The following RALYL variants were observed in gnomAD, a reference collection of about 807,000 sequenced individuals.
RALYL encodes the protein RALY RNA binding protein like.
RALYL carries 29 observed loss-of-function variants against 35.1 expected under a neutral mutation model. The ratio of observed to expected loss-of-function variants is 0.83; its 90% CI spans 0.61 to 1.13. RALYL has a LOEUF of 1.13. Ranked by LOEUF, RALYL falls within the 50% of genes most tolerant of loss-of-function variation. The pLI, the probability that RALYL is intolerant of heterozygous loss-of-function variation, is 0.00. For missense variants in RALYL, 359 were observed against 360.4 expected, an observed-to-expected ratio of 1.00 and a Z score of 0.03; for synonymous variants, 120 against 127.6, an observed-to-expected ratio of 0.94 and a Z score of 0.40.
intron 2 of RALYL, among the ~76,000 whole-genome samples, chr8:84,617,408 T>C (rs1326886159): frequency 6.7e-6 from 1 of 148,726 alleles, no homozygotes; most frequent in Admixed American, 6.7e-5. Flanking sequence ...GTTGTTGGTG[T>C]ATAAGAATGC....
At chr8:84,600,455 C>A (rs1489196948) in intron 2 of RALYL, among the ~76,000 whole-genome samples, 1 of 152,106 alleles carries the variant, frequency 6.6e-6, no homozygotes, top group African/African-American at 2.4e-5. Flanking sequence ...CTGTTATTTG[C>A]CTGCTGAGCA....
chr8:84,252,494 A>ATGATCTGCCTCAGCGCCTAG (rs1830384851), intron 1 of RALYL, among the ~76,000 whole-genome samples: 2 of 152,174 alleles, frequency 1.3e-5, no homozygotes, highest in South Asian at 4.1e-4. Flanking sequence ...GGTAAAGTCT[A>ATGATCTGCCTCAGCGCCTAG]TAGCATGATG....
intron 1 of RALYL, among the ~76,000 whole-genome samples, chr8:84,356,677 A>T (rs1424313279): frequency 6.7e-6 from 1 of 150,328 alleles, no homozygotes; most frequent in Non-Finnish European, 1.5e-5. Context: ...AGATCATCAC[A>T]ATTAGCTTAG....
chr8:84,435,316 G>A (rs1181125278), intron 1 of RALYL, among the ~76,000 whole-genome samples: 1 of 152,044 alleles, frequency 6.6e-6, no homozygotes, highest in Non-Finnish European at 1.5e-5. Context: ...ATCATTTACT[G>A]TATAGACATA....
In RALYL at chr8:84,878,257, G is replaced by A. The variant is rs376722908; in HGVS notation, c.685+4860G>A. ...AAACTTGAGAGCACTTAAAAGCAGA[G>A]AGGGAGAAAGTTTCCGTAATTACTG... On this transcript the variant is annotated intron_variant, in intron 7 of 8. Transcript: ENST00000521268. Among the ~76,000 whole-genome samples the A allele has an allele frequency of 9.0e-4, 137 of 152,292 alleles. 3 individuals are homozygous for A. Among genetic ancestry groups the A allele is most frequent in the African/African-American group, 3.1e-3 (129 of 41,566 alleles).
intron 1 of RALYL, among the ~76,000 whole-genome samples, chr8:84,309,617 TC>T (rs746267764): frequency 3.2e-4 from 48 of 152,110 alleles, no homozygotes; most frequent in Non-Finnish European, 6.2e-4. Flanking sequence ...AAAACTATCT[TC>T]TATTAGTAAA....
intron 2 of RALYL, among the ~76,000 whole-genome samples, chr8:84,704,481 AC>A (rs1195450234): frequency 3.9e-5 from 3 of 77,326 alleles, no homozygotes; most frequent in African/African-American, 2.2e-4. Flanking sequence ...ACACACACAC[AC>A]AACAACTCAT....
At chr8:84,277,877 G>A (rs529542673) in intron 1 of RALYL, among the ~76,000 whole-genome samples, 4 of 152,302 alleles carry the variant, frequency 2.6e-5, no homozygotes, top group South Asian at 2.1e-4. Context: ...ATACAGCCTC[G>A]CTCCTGGCTG....
intron 1 of RALYL, among the ~76,000 whole-genome samples, chr8:84,192,191 T>C (rs762611912): frequency 5.3e-5 from 8 of 152,216 alleles, no homozygotes; most frequent in Non-Finnish European, 1.0e-4. Context: ...TGGTTAGATT[T>C]AACTTCCAGT....
chr8:84,231,472 T>A (rs1825329974), intron 1 of RALYL, among the ~76,000 whole-genome samples: 1 of 152,172 alleles, frequency 6.6e-6, no homozygotes, highest in Non-Finnish European at 1.5e-5. Context: ...AATGGCCATG[T>A]TTGTTCTCTG....
chr8:84,866,323 C>G (rs955077993), intron 6 of RALYL, among the ~76,000 whole-genome samples: 1 of 152,036 alleles, frequency 6.6e-6, no homozygotes, highest in Non-Finnish European at 1.5e-5. Context: ...ATCCTTTAAC[C>G]CCTATATACC....
chr8:84,549,992 A>G (rs1180948272), intron 2 of RALYL, among the ~76,000 whole-genome samples: 1 of 151,858 alleles, frequency 6.6e-6, no homozygotes, highest in Non-Finnish European at 1.5e-5. Flanking sequence ...TATCCAGAAC[A>G]CTCTCTACAT....
intron 2 of RALYL, among the ~76,000 whole-genome samples, chr8:84,680,875 T>C (rs1291676417): frequency 1.3e-5 from 2 of 152,040 alleles, no homozygotes; most frequent in Non-Finnish European, 2.9e-5. Flanking sequence ...TTTGTCAATT[T>C]TGGCTTTTGT....
intron 1 of RALYL, among the ~76,000 whole-genome samples, chr8:84,399,531 A>G (rs1036437606): frequency 1.3e-5 from 2 of 152,198 alleles, no homozygotes; most frequent in African/African-American, 4.8e-5. Context: ...CCAGCAACCA[A>G]TAATTTATTT....
At chr8:84,686,727 AG>A (rs1564373803) in intron 2 of RALYL, among the ~76,000 whole-genome samples, 1 of 151,994 alleles carries the variant, frequency 6.6e-6, no homozygotes. Context: ...TGTTTTTAAA[AG>A]TTTTATCAAA....
At chr8:84,735,141 A>G (rs1177637592) in intron 2 of RALYL, among the ~76,000 whole-genome samples, 1 of 151,572 alleles carries the variant, frequency 6.6e-6, no homozygotes, top group African/African-American at 2.4e-5. Flanking sequence ...CAACTTAGAC[A>G]CTTCTCAGTA....
chr8:84,424,635 A>C (rs1288968018), intron 1 of RALYL, among the ~76,000 whole-genome samples: 1 of 151,468 alleles, frequency 6.6e-6, no homozygotes, highest in Non-Finnish European at 1.5e-5. Flanking sequence ...TCTGTGTTTT[A>C]GAGTTTCCAG....
intron 1 of RALYL, among the ~76,000 whole-genome samples, chr8:84,250,025 G>A (rs1829875593): frequency 2.6e-5 from 4 of 151,666 alleles, no homozygotes; most frequent in Admixed American, 6.6e-5. Context: ...AATTTTATTC[G>A]TGTTTCAGAT....
chr8:84,606,677 A>G (rs1373555789), intron 2 of RALYL, among the ~76,000 whole-genome samples: 3 of 152,102 alleles, frequency 2.0e-5, no homozygotes, highest in Non-Finnish European at 4.4e-5. Flanking sequence ...CTAAGTGTCT[A>G]TCCAACCTGA....
Sources: allele counts gnomAD v4.1 joint callset (sites outside exome capture counted in the v4.1 genomes callset), GRCh38; gene constraint gnomAD v4.1.1; transcripts MANE v1.5; gene names NCBI Gene and HGNC (gene_info 2026-07-23, HGNC 2026-07-21).